MEIS1: variants seen among roughly 807,000 people sequenced by gnomAD.
MEIS1 encodes homeobox protein Meis1.
A neutral mutation model predicts 50.8 loss-of-function variants in MEIS1; 5 were observed. The ratio of observed to expected loss-of-function variants is 0.10; its 90% CI spans 0.05 to 0.21. The LOEUF is 0.21. Among genes scored for constraint, MEIS1 ranks in the 10% least tolerant of loss-of-function variants. The pLI is 1.00. For synonymous variants in MEIS1, 176 were observed against 179.3 expected (o/e 0.98, Z 0.15); for missense variants, 318 against 517.3 (o/e 0.61, Z 3.74).
intron 6 of MEIS1, among the ~76,000 whole-genome samples, chr2:66,462,829 A>G (rs1672551182): frequency 6.6e-6 from 1 of 152,226 alleles, no homozygotes; most frequent in Non-Finnish European, 1.5e-5. Context: ...TGAGTCAAAC[A>G]TACAAATGGC....
At chr2:66,461,473 A>G (rs1169341731) in intron 6 of MEIS1, among the ~76,000 whole-genome samples, 1 of 152,202 alleles carries the variant, frequency 6.6e-6, no homozygotes, top group Non-Finnish European at 1.5e-5. Context: ...GTGACTACTC[A>G]TTCTTAAATG....
intron 9 of MEIS1, among the ~76,000 whole-genome samples, chr2:66,550,804 A>G (rs1192858355): frequency 6.6e-6 from 1 of 151,894 alleles, no homozygotes; most frequent in African/African-American, 2.4e-5. Flanking sequence ...ACTTATAAAC[A>G]TTTTTTATAA....
In MEIS1 at chr2:66,522,003, C is replaced by T. The variant is rs535554896; in HGVS notation, c.888+9709C>T. Among the ~76,000 whole-genome samples the T allele has an allele frequency of 1.8e-4, 28 of 152,276 alleles. No individual in the cohort carries two copies. The South Asian group carries it at 4.3e-3, about 24-fold the overall frequency. On this transcript the variant is annotated intron_variant, in intron 8 of 12. Coordinates refer to ENST00000272369, the MANE Select transcript of MEIS1 (RefSeq NM_002398.3). ...ACAATATTTTTCTTCCACCCACATCCGTAATGCGATGGGTGGGCATTTATC... is the reference window on the plus strand; with the variant it reads ...ACAATATTTTTCTTCCACCCACATCTGTAATGCGATGGGTGGGCATTTATC...
At chr2:66,528,968 G>C (rs1346874436) in intron 8 of MEIS1, among the ~76,000 whole-genome samples, 1 of 152,070 alleles carries the variant, frequency 6.6e-6, no homozygotes, top group East Asian at 1.9e-4. Flanking sequence ...CCCCATCAGT[G>C]CTGCACAGTC....
At chr2:66,502,635 G>T (rs1243310427) in intron 7 of MEIS1, among the ~76,000 whole-genome samples, 2 of 152,154 alleles carry the variant, frequency 1.3e-5, no homozygotes. Context: ...GTTCAGAGCA[G>T]GAGAAGAATG....
At chr2:66,465,278 A>G (rs1363517446) in intron 7 of MEIS1, among the ~76,000 whole-genome samples, 1 of 152,246 alleles carries the variant, frequency 6.6e-6, no homozygotes, top group Non-Finnish European at 1.5e-5. Context: ...ATAATTTTAA[A>G]CATTTGAGAC....
At chr2:66,473,397 A>AAAAAATATATATATAT in intron 7 of MEIS1, among the ~76,000 whole-genome samples, 2 of 107,586 alleles carry the variant, frequency 1.9e-5, no homozygotes, top group African/African-American at 1.2e-4. Flanking sequence ...AAAAAAAAAA[A>AAAAAATATATATATAT]ATATATATAT....
chr2:66,556,649 C>G (rs1033472938), intron 9 of MEIS1, among the ~76,000 whole-genome samples: 1 of 151,996 alleles, frequency 6.6e-6, no homozygotes, highest in African/African-American at 2.4e-5. Flanking sequence ...GGTTTGTTGT[C>G]TGGTTGAAGG....
At chr2:66,517,309 G>C (rs941794951) in intron 8 of MEIS1, among the ~76,000 whole-genome samples, 1 of 152,148 alleles carries the variant, frequency 6.6e-6, no homozygotes, top group Non-Finnish European at 1.5e-5. Flanking sequence ...AAGGGAAGTG[G>C]CTTGTGGAGA....
chr2:66,439,074 CTT>C (rs1671876946), intron 2 of MEIS1: 1 of 149,474 alleles, frequency 6.7e-6, no homozygotes, highest in Non-Finnish European at 1.4e-5. Context: ...CTTTCTTCTT[CTT>C]CTTCTTTTTT....
chr2:66,460,593 T>G (rs1486313539), intron 6 of MEIS1, among the ~76,000 whole-genome samples: 1 of 152,210 alleles, frequency 6.6e-6, no homozygotes, highest in Non-Finnish European at 1.5e-5. Context: ...AACTTACTGA[T>G]GGAGTGCAGT....
At chr2:66,467,363 G>A (rs1402589353) in intron 7 of MEIS1, among the ~76,000 whole-genome samples, 2 of 143,432 alleles carry the variant, frequency 1.4e-5, no homozygotes, top group Non-Finnish European at 3.0e-5. Context: ...TTAGGAGGCC[G>A]AGGTAGGGGG....
At chr2:66,546,936 AG>A (rs1302637382) in intron 8 of MEIS1, among the ~76,000 whole-genome samples, 4 of 152,206 alleles carry the variant, frequency 2.6e-5, no homozygotes, top group Non-Finnish European at 5.9e-5. Flanking sequence ...ACGACAATTT[AG>A]TTTCCATGGC....
Position 66,468,780 on chromosome 2 carries a change from A to C in MEIS1, c.742+4560A>C, listed in dbSNP as rs116864484. ...TAATGGTGACCTAGCTGTGAATAAGATAGAATCACCTTAAACTCAGAGGGG... is the reference window on the plus strand; with the variant it reads ...TAATGGTGACCTAGCTGTGAATAAGCTAGAATCACCTTAAACTCAGAGGGG... On this transcript the variant is annotated intron_variant, in intron 7 of 12. Coordinates refer to ENST00000272369, the MANE Select transcript of MEIS1 (RefSeq NM_002398.3). Among the ~76,000 whole-genome samples the C allele has an allele frequency of 1.6e-3, 242 of 152,360 alleles. 5 individuals carry two copies. In the East Asian group the frequency reaches 0.04, roughly 25 times the overall value.
At chr2:66,463,801 T>C (rs1029609353) in intron 6 of MEIS1, among the ~76,000 whole-genome samples, 2 of 152,234 alleles carry the variant, frequency 1.3e-5, no homozygotes, top group Non-Finnish European at 2.9e-5. Context: ...GTTGAAAATA[T>C]AGTCAGAATC....
rs141419793 is a variant in MEIS1 at position 66,460,021 on chromosome 2, G to A, written c.631-4088G>A. ...CCAAGGAATACCTGGAAAGTGATAA[G>A]AGGTCCTGACCTCTGTCCAAATTTA... On this transcript the variant is annotated intron_variant, in intron 6 of 12. Coordinates refer to ENST00000272369, the MANE Select transcript of MEIS1 (RefSeq NM_002398.3). Among the ~76,000 whole-genome samples the A allele has an allele frequency of 4.0e-3, 603 of 152,294 alleles. 2 individuals carry two copies. The highest frequency in any genetic ancestry group is 0.013 in the African/African-American group (551 of 41,564).
rs1458232940 is a variant in MEIS1 at position 66,435,517 on chromosome 2, G to A, written c.-340G>A. ...GAAAGCCATGAGATTTGGTAGTTGGGTCTGAGGGGCGCTCTTTTTTTTCCT... is the reference window on the plus strand; with the variant it reads ...GAAAGCCATGAGATTTGGTAGTTGGATCTGAGGGGCGCTCTTTTTTTTCCT... On this transcript the variant is annotated 5_prime_UTR_variant, in exon 1 of 13. Coordinates refer to ENST00000272369, the MANE Select transcript of MEIS1 (RefSeq NM_002398.3). 2.6e-6 allele frequency: 1 copy of A among 382,996 alleles called. No homozygotes were observed. Among genetic ancestry groups the A allele is most frequent in the African/African-American group, 2.1e-5 (1 of 48,150 alleles). 23.7% of individuals were successfully genotyped at this position (382,996 alleles called of 1,614,324 possible). A position where few individuals can be genotyped will look rare whatever the true frequency, so the allele number is the denominator to read the frequency against.
In MEIS1 at chr2:66,439,897, T is replaced by C. The variant is rs750318614; in HGVS notation, c.294T>C (p.Thr98=). 5 of 1,613,912 alleles carry C rather than the reference T, an allele frequency of 3.1e-6. No homozygotes were observed. In the South Asian group the frequency reaches 4.4e-5, roughly 14 times the overall value. The change falls in exon 3 of 13, where the codon ACT becomes ACC. Residue 98 remains threonine (T), a synonymous_variant. Transcript: ENST00000272369. ...TTTTTGAGAAATGTGAATTAGCTACTTGTACCCCCCGCGAGCCGGGGGTGG... is the reference window on the plus strand; with the variant it reads ...TTTTTGAGAAATGTGAATTAGCTACCTGTACCCCCCGCGAGCCGGGGGTGG... ...ALIFEKCELA[T]CTPREPGVAG...
At chr2:66,490,360 C>T (rs544122502) in intron 7 of MEIS1, among the ~76,000 whole-genome samples, 11 of 152,262 alleles carry the variant, frequency 7.2e-5, no homozygotes, top group Non-Finnish European at 1.6e-4. Context: ...CTTTGCGTGA[C>T]CTAGGTCAAA....
Sources: gnomAD v4.1 joint callset for allele counts (sites outside exome capture counted in the v4.1 genomes callset) on GRCh38, gnomAD v4.1.1 for gene constraint, MANE v1.5 for transcripts, NCBI Gene and HGNC (gene_info 2026-07-23, HGNC 2026-07-21) for gene names.